The following GDPD1 variants were observed in gnomAD, a reference collection of about 807,000 sequenced individuals.
GDPD1 encodes glycerophosphodiester phosphodiesterase domain containing 1.
GDPD1 carries 28 observed loss-of-function variants against 45.1 expected under a neutral mutation model. The observed-to-expected ratio is 0.62, with a 90% CI of 0.46 to 0.85. The LOEUF (loss-of-function observed/expected upper bound fraction) is 0.85, where lower values mean the gene tolerates loss of function less well. GDPD1 is among the 40% of genes least tolerant of loss of function. The probability of loss-of-function intolerance (pLI) is 0.00; values close to 1 mark genes in which losing one functional copy is unlikely to be tolerated. For synonymous variants in GDPD1, 139 were observed against 131.4 expected (o/e 1.06, Z -0.40); for missense variants, 256 against 364.8 (o/e 0.70, Z 2.43).
chr17:59,241,564 C>T (rs371534858), intron 2 of GDPD1, among the ~76,000 whole-genome samples: 5 of 151,946 alleles, frequency 3.3e-5, no homozygotes, highest in East Asian at 3.9e-4. Flanking sequence ...GGTGATCTGC[C>T]GCCTTGGCCT....
chr17:59,255,798 T>TAC (rs2047297756), intron 4 of GDPD1, among the ~76,000 whole-genome samples: 1 of 47,974 alleles, frequency 2.1e-5, no homozygotes, highest in Non-Finnish European at 3.5e-5. Flanking sequence ...CGTATATATG[T>TAC]ATATATATAT....
At position 59,272,360 on chromosome 17, in the gene GDPD1, C is replaced by T. The variant is rs146168433; in HGVS notation, c.771-425C>T. ...TAACATCGCTTACAAAAGACTAATC[C>T]ATTGTGTAATGAACTATGATGTTAT... On this transcript the variant is annotated intron_variant, in intron 8 of 9. Transcript: ENST00000284116. 3.0e-3 allele frequency among the ~76,000 whole-genome samples: 462 copies of T among 152,268 alleles called. 3 individuals carry two copies. The highest frequency in any genetic ancestry group is 0.011 in the African/African-American group (450 of 41,538).
intron 1 of GDPD1, among the ~76,000 whole-genome samples, chr17:59,232,095 G>T (rs1219778206): frequency 6.6e-6 from 1 of 152,118 alleles, no homozygotes; most frequent in Non-Finnish European, 1.5e-5. Context: ...GATGCCATAT[G>T]TCGACAAAGT....
intron 1 of GDPD1, among the ~76,000 whole-genome samples, chr17:59,223,663 A>T (rs1370628627): frequency 1.3e-5 from 2 of 152,232 alleles, no homozygotes; most frequent in East Asian, 3.8e-4. Flanking sequence ...TAAATTAGAT[A>T]TGTGACCATT....
At chr17:59,259,294 G>A (rs1340351088) in intron 6 of GDPD1, among the ~76,000 whole-genome samples, 5 of 149,570 alleles carry the variant, frequency 3.3e-5, no homozygotes, top group South Asian at 2.1e-4. Context: ...GAGGCCGGGC[G>A]CGGTGGCTCA....
intron 1 of GDPD1, among the ~76,000 whole-genome samples, chr17:59,221,792 C>T (rs2047007163): frequency 6.6e-6 from 1 of 152,170 alleles, no homozygotes; most frequent in Non-Finnish European, 1.5e-5. Flanking sequence ...AAATTTAATA[C>T]ACACTTGAAA....
At chr17:59,220,872 A>G in intron 1 of GDPD1, 121 bp downstream of exon 1, 1 of 1,115,612 alleles carries the variant, frequency 9.0e-7, no homozygotes, top group Non-Finnish European at 1.3e-6. Context: ...GGTTGTGTGA[A>G]TTGAGGGCTC....
chr17:59,229,320 ATT>A (rs11302392), intron 1 of GDPD1, among the ~76,000 whole-genome samples: 58 of 141,714 alleles, frequency 4.1e-4, no homozygotes, highest in African/African-American at 8.5e-4. Context: ...GCCTGGCTAA[ATT>A]TTTTTTTTTT....
intron 3 of GDPD1, among the ~76,000 whole-genome samples, chr17:59,248,487 A>C (rs2047229342): frequency 1.3e-5 from 2 of 151,772 alleles, no homozygotes; most frequent in African/African-American, 4.8e-5. Flanking sequence ...TGTATTCCTG[A>C]CATTTTTCTA....
At chr17:59,265,085 C>G (rs1045447396) in intron 6 of GDPD1, among the ~76,000 whole-genome samples, 1 of 152,138 alleles carries the variant, frequency 6.6e-6, no homozygotes, top group Admixed American at 6.6e-5. Context: ...AAGTGATCCA[C>G]CCGCCTTGGC....
chr17:59,261,982 A>T (rs1424294345), intron 6 of GDPD1, among the ~76,000 whole-genome samples: 3 of 112,908 alleles, frequency 2.7e-5, no homozygotes, highest in Non-Finnish European at 4.9e-5. Context: ...CAGTGGCGGG[A>T]TCTCGGCTCA....
intron 8 of GDPD1, among the ~76,000 whole-genome samples, chr17:59,272,053 G>A (rs1210484848): frequency 2.0e-5 from 3 of 151,350 alleles, no homozygotes; most frequent in East Asian, 3.9e-4. Context: ...CCTTTTTTTT[G>A]TACTCAAGTA....
intron 6 of GDPD1, among the ~76,000 whole-genome samples, chr17:59,261,913 C>CTTTTT (rs58058526): frequency 2.9e-4 from 23 of 79,332 alleles, no homozygotes; most frequent in Non-Finnish European, 4.6e-4. Context: ...AGATTACAGG[C>CTTTTT]TTTTTTTTTT....
Position 59,273,765 on chromosome 17 carries a change from T to G in GDPD1, c.937T>G (p.Ser313Ala). The G allele has an allele frequency of 6.4e-7, 1 of 1,569,524 alleles. No homozygotes were observed. The highest frequency in any genetic ancestry group is 8.6e-7 in the Non-Finnish European group (1 of 1,160,538). The change falls in exon 10 of 10, where the codon TCA becomes GCA. Residue 313 changes from serine (S) to alanine (A), a missense_variant. Ser to Ala is a moderately conservative substitution (Grantham distance 99). Coordinates refer to ENST00000284116, the MANE Select transcript of GDPD1 (RefSeq NM_182569.4). ...TKLRDFLHNFSA is the reference protein window; with the variant it reads ...TKLRDFLHNFAA The stretch of plus-strand genomic sequence containing the variant: ...GCTTAGGGATTTTTTACATAACTTT[T>G]CAGCATAGAAAAAGAGGTACTTAGA...
intron 2 of GDPD1, among the ~76,000 whole-genome samples, chr17:59,238,416 A>T (rs1400159024): frequency 3.6e-4 from 51 of 143,288 alleles, no homozygotes; most frequent in Middle Eastern, 3.7e-3. Flanking sequence ...ATTATTTTTT[A>T]TTTTTTTTTT....
intron 3 of GDPD1, among the ~76,000 whole-genome samples, chr17:59,246,863 G>T (rs759565076): frequency 1.3e-5 from 2 of 151,634 alleles, no homozygotes; most frequent in African/African-American, 4.8e-5. Context: ...TGCCTCCCAG[G>T]TTCAAGCTAG....
chr17:59,238,136 C>A (rs1298040870), intron 2 of GDPD1, among the ~76,000 whole-genome samples: 3 of 151,142 alleles, frequency 2.0e-5, no homozygotes, highest in African/African-American at 7.3e-5. Flanking sequence ...GGCATGGTAG[C>A]GCATGCCTGT....
rs1054710901 is a variant in GDPD1, at chr17:59,274,812, T to G, written c.*1039T>G. Among the ~76,000 whole-genome samples, 1 of 151,078 alleles carries G rather than the reference T, an allele frequency of 6.6e-6. No homozygotes were observed. The highest frequency in any genetic ancestry group is 2.4e-5 in the African/African-American group (1 of 41,194). On this transcript the variant is annotated 3_prime_UTR_variant, in exon 10 of 10. Coordinates refer to ENST00000284116, the MANE Select transcript of GDPD1 (RefSeq NM_182569.4). ...AAAAAAGAAAAAAAATTGGCAATAG[T>G]CTTCACTGGAATACAATCAATTAGT...
At chr17:59,233,907 A>G (rs972273173) in intron 1 of GDPD1, among the ~76,000 whole-genome samples, 2 of 152,114 alleles carry the variant, frequency 1.3e-5, no homozygotes, top group Admixed American at 1.3e-4. Flanking sequence ...TCTTCAAGCT[A>G]TGTGTATGAG....
Sources: gnomAD v4.1 joint callset for allele counts (sites outside exome capture counted in the v4.1 genomes callset) on GRCh38, gnomAD v4.1.1 for gene constraint, MANE v1.5 for transcripts, NCBI Gene and HGNC (gene_info 2026-07-23, HGNC 2026-07-21) for gene names.